The following CHP1 variants were observed in gnomAD, a reference collection of about 807,000 sequenced individuals.
CHP1 encodes the protein calcineurin B homologous protein 1.
A neutral mutation model predicts 27.4 loss-of-function variants in CHP1; 11 were observed. The ratio of observed to expected loss-of-function variants is 0.40; its 90% confidence interval spans 0.25 to 0.67. The LOEUF is 0.67. CHP1 is among the 30% of genes least tolerant of loss of function. The pLI is 0.38. For missense variants in CHP1, 169 were observed against 251.3 expected (o/e 0.67, Z 2.22); for synonymous variants, 89 against 87.4 (o/e 1.02, Z -0.10).
chr15:41,245,748 A>G (rs767165337), intron 2 of CHP1, among the ~76,000 whole-genome samples: 1 of 152,314 alleles, frequency 6.6e-6, no homozygotes, highest in East Asian at 1.9e-4. Flanking sequence ...GGTGGGTCAT[A>G]TGAGTTGTCT....
rs1169198956 is a variant in CHP1 at position 41,281,541 on chromosome 15, GATT to G, written c.*2153_*2155del. The G allele has an allele frequency of 2.0e-5, 3 of 152,648 alleles. No individual in the cohort carries two copies. The highest frequency in any genetic ancestry group is 2.1e-4 in the South Asian group (1 of 4,832). The allele number at this position is 152,648 out of a possible 1,614,324, so 9.5% of individuals were successfully genotyped here. A position where few individuals can be genotyped will look rare whatever the true frequency, so the allele number is the denominator to read the frequency against. Reference sequence around the variant, plus strand: ...TTCCTTGCTTTGGAAAACTATTGAAGATTGCTAAAAAATACCACTGCAAAGTGA... The same window carrying G: ...TTCCTTGCTTTGGAAAACTATTGAAGGCTAAAAAATACCACTGCAAAGTGA... On this transcript the variant is annotated 3_prime_UTR_variant, in exon 7 of 7. Coordinates refer to ENST00000334660, the MANE Select transcript of CHP1 (RefSeq NM_007236.5).
chr15:41,266,458 A>G (rs2047461248), intron 4 of CHP1, among the ~76,000 whole-genome samples: 1 of 152,078 alleles, frequency 6.6e-6, no homozygotes, highest in Admixed American at 6.6e-5. Context: ...CCACATTCTA[A>G]TTGTCTTCTT....
chr15:41,276,032 G>C (rs892924178), intron 5 of CHP1, among the ~76,000 whole-genome samples: 5 of 152,100 alleles, frequency 3.3e-5, no homozygotes, highest in African/African-American at 1.2e-4. Flanking sequence ...CCTGAGGTCG[G>C]GAGTTCGAGA....
At chr15:41,243,379 A>G (rs143379445) in intron 1 of CHP1, among the ~76,000 whole-genome samples, 1 of 152,326 alleles carries the variant, frequency 6.6e-6, no homozygotes, top group African/African-American at 2.4e-5. Flanking sequence ...AGGACAGGAC[A>G]GGACAAAATT....
At position 41,278,998 on chromosome 15, in the gene CHP1, G is replaced by T. The variant is rs572347479; in HGVS notation, c.534+109G>T. On this transcript the variant is annotated intron_variant, in intron 6 of 6. Transcript: ENST00000334660. ...GAGGCCAAGGTGGGCGGATCACGAG[G>T]TCAGGAGTTCAAGACCAGCCTGGCT... 127 of 1,373,392 alleles carry T rather than the reference G, an allele frequency of 9.2e-5. No homozygotes were observed. The African/African-American group carries it at 1.6e-3, about 18-fold the overall frequency. The allele number at this position is 1,373,392 out of a possible 1,614,324, so 85.1% of individuals were successfully genotyped here.
intron 5 of CHP1, among the ~76,000 whole-genome samples, chr15:41,273,414 C>T (rs1268308341): frequency 6.6e-6 from 1 of 152,012 alleles, no homozygotes; most frequent in African/African-American, 2.4e-5. Context: ...CGGTGTTTCA[C>T]TCTGTCGCCC....
At chr15:41,251,804 CT>C (rs568323569) in intron 2 of CHP1, among the ~76,000 whole-genome samples, 4,806 of 133,932 alleles carry the variant, frequency 0.036, 239 homozygotes, top group African/African-American at 0.11. Context: ...TGCCAGCTGC[CT>C]TTTTTTTTTT....
intron 1 of CHP1, among the ~76,000 whole-genome samples, chr15:41,239,959 G>T (rs2047297767): frequency 1.3e-5 from 2 of 151,858 alleles, no homozygotes; most frequent in South Asian, 4.2e-4. Flanking sequence ...TGTATTTGTA[G>T]TAGAGACAGG....
intron 5 of CHP1, among the ~76,000 whole-genome samples, chr15:41,273,457 C>T (rs1346975476): frequency 6.6e-6 from 1 of 152,108 alleles, no homozygotes; most frequent in Non-Finnish European, 1.5e-5. Context: ...TCTCAGCTCA[C>T]TGTAACATCC....
chr15:41,250,540 C>G (rs1285766550), intron 2 of CHP1, among the ~76,000 whole-genome samples: 1 of 151,332 alleles, frequency 6.6e-6, no homozygotes, highest in Non-Finnish European at 1.5e-5. Flanking sequence ...GCACTCCAGC[C>G]TGGGCAGTAA....
In CHP1 at chr15:41,259,558, G is replaced by A. The variant is rs535725686; in HGVS notation, c.221+2568G>A. 2.2e-5 allele frequency among the ~76,000 whole-genome samples: 3 copies of A among 133,910 alleles called. No homozygotes were observed. In the East Asian group the frequency reaches 6.8e-4, roughly 30 times the overall value. The allele number at this position is 133,910 out of a possible 152,430, so 87.9% of individuals were successfully genotyped here. A position where few individuals can be genotyped will look rare whatever the true frequency, so the allele number is the denominator to read the frequency against. On this transcript the variant is annotated intron_variant, in intron 3 of 6. Coordinates refer to ENST00000334660, the MANE Select transcript of CHP1 (RefSeq NM_007236.5). ...TTTTTTTTTTTAAAGAATGAGATTT[G>A]AAAGTGGACCATGGTTATTCAATTC...
chr15:41,254,787 C>T (rs1307211924), intron 2 of CHP1, among the ~76,000 whole-genome samples: 2 of 152,216 alleles, frequency 1.3e-5, no homozygotes, highest in African/African-American at 4.8e-5. Flanking sequence ...AGCGTGAAGT[C>T]TCCTGGGTAC....
At chr15:41,278,258 G>C (rs1405718616) in intron 5 of CHP1, among the ~76,000 whole-genome samples, 8 of 151,044 alleles carry the variant, frequency 5.3e-5, no homozygotes, top group Admixed American at 5.3e-4. Context: ...GCGTGAACCC[G>C]GGAGGCAGAG....
Position 41,275,719 on chromosome 15 carries a change from G to T in CHP1, c.412-3048G>T, listed in dbSNP as rs2047516051. 2.6e-5 allele frequency among the ~76,000 whole-genome samples: 4 copies of T among 152,024 alleles called. No individual in the cohort carries two copies. The South Asian group carries it at 8.3e-4, about 32-fold the overall frequency. ...CCTGAGTAGCTGGTACTATAGGCAT[G>T]CACTACCACACCTGGCTTGTAATTT... is the stretch of plus-strand genomic sequence containing the variant. On this transcript the variant is annotated intron_variant, in intron 5 of 6. Coordinates refer to ENST00000334660, the MANE Select transcript of CHP1 (RefSeq NM_007236.5).
chr15:41,261,866 C>G (rs1267500976), intron 3 of CHP1, among the ~76,000 whole-genome samples: 1 of 152,056 alleles, frequency 6.6e-6, no homozygotes, highest in Non-Finnish European at 1.5e-5. Flanking sequence ...GTGGCGCATG[C>G]CTGTAATCCC....
chr15:41,267,507 C>A (rs1031081184), intron 4 of CHP1, among the ~76,000 whole-genome samples: 1 of 151,530 alleles, frequency 6.6e-6, no homozygotes, highest in African/African-American at 2.4e-5. Context: ...ACTAAAAATA[C>A]AAAAATTAGC....
intron 1 of CHP1, among the ~76,000 whole-genome samples, chr15:41,238,631 G>A (rs1411179995): frequency 1.3e-5 from 2 of 151,472 alleles, no homozygotes; most frequent in Non-Finnish European, 2.9e-5. Context: ...ACGAGGTCGG[G>A]AGATCGAGAT....
chr15:41,269,050 A>T (rs2047475866), intron 4 of CHP1, among the ~76,000 whole-genome samples: 1 of 152,022 alleles, frequency 6.6e-6, no homozygotes, highest in South Asian at 2.1e-4. Flanking sequence ...CTCTACAAAA[A>T]TTTTTAAAAA....
chr15:41,250,090 T>TA lies in CHP1; in HGVS notation c.140+6368dup, dbSNP rs77882380. On this transcript the variant is annotated intron_variant, in intron 2 of 6. Transcript: ENST00000334660. ...CTTGGTCTATCAATAGGTGTTATGT[T>TA]AAAAAAAAAAAAAAAAAGCAAAAAG... Among the ~76,000 whole-genome samples the TA allele has an allele frequency of 2.8e-3, 359 of 127,258 alleles. 1 individual carries two copies. Among genetic ancestry groups the TA allele is most frequent in the Non-Finnish European group, 3.9e-3 (231 of 58,982 alleles). 83.5% of individuals were successfully genotyped at this position (127,258 alleles called of 152,430 possible).
Sources: gnomAD v4.1 joint callset for allele counts (sites outside exome capture counted in the v4.1 genomes callset) on GRCh38, gnomAD v4.1.1 for gene constraint, MANE v1.5 for transcripts, NCBI Gene and HGNC (gene_info 2026-07-23, HGNC 2026-07-21) for gene names.